Variants in C22orf23 observed in about 807,000 individuals in gnomAD.
C22orf23 encodes the protein chromosome 22 open reading frame 23.
In C22orf23, 30 loss-of-function variants were observed where a neutral mutation model predicts 29.7. That is an observed-to-expected ratio of 1.01 (90% confidence interval 0.76 to 1.37). C22orf23 has a LOEUF of 1.37. Among genes scored for constraint, C22orf23 ranks in the 40% most tolerant of loss-of-function variants. The probability of loss-of-function intolerance (pLI) is 0.00; values close to 1 mark genes in which losing one functional copy is unlikely to be tolerated. For synonymous variants in C22orf23, 90 were observed against 96.1 expected, an observed-to-expected ratio of 0.94 and a Z score of 0.37; for missense variants, 237 against 273.1, an observed-to-expected ratio of 0.87 and a Z score of 0.93.
At chr22:37,945,537 C>G (rs1157758647) in intron 4 of C22orf23, among the ~76,000 whole-genome samples, 2 of 149,282 alleles carry the variant, frequency 1.3e-5, no homozygotes, top group Non-Finnish European at 3.0e-5. Flanking sequence ...CTCTGTCGCC[C>G]AGACTGGAGT....
At chr22:37,947,751 C>T (rs1168149799) in intron 3 of C22orf23, among the ~76,000 whole-genome samples, 1 of 151,140 alleles carries the variant, frequency 6.6e-6, no homozygotes, top group East Asian at 2.0e-4. Context: ...GTGATCCACC[C>T]ACCTCGGCCT....
chr22:37,953,654 C>A, upstream of C22orf23: 2 of 1,098,428 alleles, frequency 1.8e-6, no homozygotes, highest in South Asian at 1.5e-5. Flanking sequence ...CTCTGTCCTG[C>A]CTCCCGGAAG....
rs1020937843 is a variant in C22orf23 at position 37,944,113 on chromosome 22, C to G, written c.*62G>C. On this transcript the variant is annotated 3_prime_UTR_variant, in exon 7 of 7. Coordinates refer to ENST00000403305, the MANE Select transcript of C22orf23 (RefSeq NM_032561.5). ...TGGGCTGGCCTGAGGATGGCCCTGC[C>G]TGGCAGAGGAGTGGACTCCAGTGGT... 1.5e-5 allele frequency: 23 copies of G among 1,500,352 alleles called. No individual in the cohort carries two copies. In the Middle Eastern group the frequency reaches 5.1e-4, roughly 33 times the overall value. The allele number at this position is 1,500,352 out of a possible 1,614,324, so 92.9% of individuals were successfully genotyped here. A position where few individuals can be genotyped will look rare whatever the true frequency, so the allele number is the denominator to read the frequency against.
At position 37,953,100 on chromosome 22, in the gene C22orf23, C is replaced by T. The variant is rs1424502508; in HGVS notation, c.50G>A (p.Arg17Gln). The change falls in exon 2 of 7, where the codon CGG becomes CAG. Residue 17 changes from arginine to glutamine, a missense_variant. By Grantham distance (43) the Arg-to-Gln change is conservative. Coordinates refer to ENST00000403305, the MANE Select transcript of C22orf23 (RefSeq NM_032561.5). The part of the protein sequence containing the change: ...MEVVTKGTGF[R>Q]RRPKTITYTP... The stretch of plus-strand genomic sequence containing the variant: ...GTAAGTGATGGTCTTGGGGCGGCGC[C>T]GGAACCCAGTTCCTTTGGTCACTAC... 6.2e-7 allele frequency: 1 copy of T among 1,613,786 alleles called. No homozygotes were observed. Among genetic ancestry groups the T allele is most frequent in the Non-Finnish European group, 8.5e-7 (1 of 1,179,910 alleles).
intron 2 of C22orf23, 134 bp from the exon 3 acceptor site, chr22:37,951,656 C>T (rs750357350): frequency 5.1e-5 from 31 of 608,932 alleles, no homozygotes; most frequent in Non-Finnish European, 7.6e-5. Flanking sequence ...TTTCCTGCTT[C>T]GTTTTTTCTA....
rs1304288085 is a variant in C22orf23, at chr22:37,943,538, G to A, written c.*637C>T. The A allele has an allele frequency of 1.3e-5, 2 of 155,216 alleles. No homozygotes were observed. Among genetic ancestry groups the A allele is most frequent in the Non-Finnish European group, 2.9e-5 (2 of 69,940 alleles). The allele number at this position is 155,216 out of a possible 1,614,324, so 9.6% of individuals were successfully genotyped here. The stretch of plus-strand genomic sequence containing the variant: ...CAGAGGGATAATGAACCGTTGCAGA[G>A]GTTTATTGAGATCATTAACAGAGTG... On this transcript the variant is annotated 3_prime_UTR_variant, in exon 7 of 7. Coordinates refer to ENST00000403305, the MANE Select transcript of C22orf23 (RefSeq NM_032561.5).
At chr22:37,947,904 G>A (rs1930798382) in intron 3 of C22orf23, among the ~76,000 whole-genome samples, 2 of 151,002 alleles carry the variant, frequency 1.3e-5, no homozygotes, top group Admixed American at 6.6e-5. Context: ...TCAGGAATTC[G>A]AGACCACCCT....
chr22:37,947,996 G>T (rs940885313), intron 3 of C22orf23, among the ~76,000 whole-genome samples: 15 of 151,718 alleles, frequency 9.9e-5, no homozygotes, highest in African/African-American at 3.6e-4. Flanking sequence ...AGTCCCTACT[G>T]CTCGGGAGGC....
Position 37,947,203 on chromosome 22 carries a change from C to G in C22orf23, c.349+78G>C, listed in dbSNP as rs570829154. ...TTGATTAGCTACCTTCCCACCTGCC[C>G]TGTGGGCTGCTTGCGTCCCTCTCCC... is the stretch of plus-strand genomic sequence containing the variant. On this transcript the variant is annotated intron_variant, in intron 4 of 6. Transcript: ENST00000403305. 6 of 1,489,302 alleles carry G rather than the reference C, an allele frequency of 4.0e-6. No individual in the cohort carries two copies. The South Asian group carries it at 5.7e-5, about 14-fold the overall frequency. 92.3% of individuals were successfully genotyped at this position (1,489,302 alleles called of 1,614,324 possible).
intron 4 of C22orf23, among the ~76,000 whole-genome samples, chr22:37,945,533 C>T (rs1345438040): frequency 4.8e-5 from 7 of 144,746 alleles, no homozygotes; most frequent in African/African-American, 1.5e-4. Flanking sequence ...CTGACTCTGT[C>T]GCCCAGACTG....
At chr22:37,953,239 G>C (rs1242688080) in intron 1 of C22orf23, 81 bp from the exon 2 acceptor site, 3 of 991,250 alleles carry the variant, frequency 3.0e-6, no homozygotes, top group Non-Finnish European at 4.6e-6. Flanking sequence ...ACCCCCAGAA[G>C]TCTGGAAGCG....
In C22orf23 at chr22:37,953,072, G is replaced by C. The variant is rs564167423; in HGVS notation, c.78C>G (p.Thr26=). Residue 26 remains threonine, a synonymous_variant, in exon 2 of 7, where the codon ACC becomes ACG. Transcript: ENST00000403305. ...FRRRPKTITY[T]PGTCELLRVM... ...CTCTGAGCAGCTCGCAGGTCCCCGGGGTGTAAGTGATGGTCTTGGGGCGGC... is the reference window on the plus strand; with the variant it reads ...CTCTGAGCAGCTCGCAGGTCCCCGGCGTGTAAGTGATGGTCTTGGGGCGGC... The C allele has an allele frequency of 1.4e-5, 23 of 1,613,886 alleles. No individual in the cohort carries two copies. In the Admixed American group the frequency reaches 3.2e-4, roughly 22 times the overall value.
chr22:37,947,828 C>T (rs1038983978), intron 3 of C22orf23, among the ~76,000 whole-genome samples: 8 of 149,312 alleles, frequency 5.4e-5, no homozygotes, highest in Non-Finnish European at 8.9e-5. Context: ...AAAAGTTGGC[C>T]GGGCATGGTG....
chr22:37,949,520 G>A (rs1470438930), intron 3 of C22orf23, among the ~76,000 whole-genome samples: 2 of 142,082 alleles, frequency 1.4e-5, no homozygotes, highest in Non-Finnish European at 3.0e-5. Context: ...GTGCAATGGT[G>A]TGATCTCAGC....
chr22:37,949,449 A>ATTTTTTT (rs71195070), intron 3 of C22orf23, among the ~76,000 whole-genome samples: 2 of 70,920 alleles, frequency 2.8e-5, no homozygotes, highest in Non-Finnish European at 5.2e-5. Context: ...CGCCTGGCTA[A>ATTTTTTT]TTTTTTTTTT....
intron 2 of C22orf23, 37 bp from the exon 3 acceptor site, chr22:37,951,559 G>C (rs1284897805): frequency 6.3e-7 from 1 of 1,587,504 alleles, no homozygotes; most frequent in Admixed American, 1.7e-5. Flanking sequence ...CTCTTGGGCT[G>C]CAGGCGGATG....
chr22:37,945,200 G>A (rs561787655), intron 4 of C22orf23, 27 bp from the exon 5 acceptor site: 1 of 1,603,042 alleles, frequency 6.2e-7, no homozygotes, highest in East Asian at 2.2e-5. Flanking sequence ...AAATGGCCTA[G>A]TTAGGCTGTA....
At chr22:37,952,970 G>T in intron 2 of C22orf23, 77 bp downstream of exon 2, 1 of 1,012,632 alleles carries the variant, frequency 9.9e-7, no homozygotes, top group Non-Finnish European at 1.5e-6. Flanking sequence ...CCACACCTCC[G>T]TCAGTGGAAA....
Position 37,947,568 on chromosome 22 carries a change from C to G in C22orf23, c.167-105G>C, listed in dbSNP as rs558643506. 2.7e-4 allele frequency: 260 copies of G among 979,770 alleles called. 3 individuals carry two copies. In the South Asian group the frequency reaches 5.0e-3, roughly 19 times the overall value. 60.7% of individuals were successfully genotyped at this position (979,770 alleles called of 1,614,324 possible). On this transcript the variant is annotated intron_variant, in intron 3 of 6. Coordinates refer to ENST00000403305, the MANE Select transcript of C22orf23 (RefSeq NM_032561.5). The stretch of plus-strand genomic sequence containing the variant: ...CTCTGTCACTCAGGCTGGAGTGCAG[C>G]GGCGCGATCTCGGCTTACTGCAACC...
Sources: gnomAD v4.1 joint callset for allele counts (sites outside exome capture counted in the v4.1 genomes callset) on GRCh38, gnomAD v4.1.1 for gene constraint, MANE v1.5 for transcripts, NCBI Gene and HGNC (gene_info 2026-07-23, HGNC 2026-07-21) for gene names.